UBE3C: variants seen among roughly 807,000 people sequenced by gnomAD.
UBE3C encodes the protein ubiquitin-protein ligase E3C.
A neutral mutation model predicts 129.4 loss-of-function variants in UBE3C; 42 were observed. The observed-to-expected ratio is 0.32, with a 90% confidence interval of 0.25 to 0.42. The LOEUF (loss-of-function observed/expected upper bound fraction) is 0.42. UBE3C is among the 10% of genes least tolerant of loss of function. UBE3C has a pLI of 1.00. For synonymous variants in UBE3C, 510 were observed against 492.4 expected (o/e 1.04, Z -0.47); for missense variants, 1,049 against 1,319.1 (o/e 0.80, Z 3.17).
chr7:157,194,535 T>C (rs995215590), intron 10 of UBE3C, among the ~76,000 whole-genome samples: 1 of 152,122 alleles, frequency 6.6e-6, no homozygotes, highest in Non-Finnish European at 1.5e-5. Context: ...AGGCAGTAGG[T>C]CGAGGCTGGA....
intron 3 of UBE3C, among the ~76,000 whole-genome samples, chr7:157,169,506 G>T (rs894775960): frequency 2.0e-5 from 3 of 151,922 alleles, no homozygotes; most frequent in Non-Finnish European, 4.4e-5. Context: ...CTCCCGAGTA[G>T]CTGGGATTAC....
rs186103427 is a variant in UBE3C at position 157,186,896 on chromosome 7, G to A, written c.1206G>A (p.Lys402=). ...TEECLKKLDT[K]QQTNTLLNLV... ...AATGCCTGAAGAAGCTGGACACAAA[G>A]CAGCAGACCAACACCCTGCTCAACC... is the stretch of plus-strand genomic sequence containing the variant. The change falls in exon 10 of 23, where the codon AAG becomes AAA. Residue 402 remains lysine (K), a synonymous_variant. Coordinates refer to ENST00000348165, the MANE Select transcript of UBE3C (RefSeq NM_014671.3). The A allele has an allele frequency of 3.7e-5, 59 of 1,614,178 alleles. No homozygotes were observed. Among genetic ancestry groups the A allele is most frequent in the Admixed American group, 2.0e-4 (12 of 60,030 alleles).
At chr7:157,211,239 A>AT (rs1809587690) in intron 13 of UBE3C, among the ~76,000 whole-genome samples, 1 of 150,128 alleles carries the variant, frequency 6.7e-6, no homozygotes, top group African/African-American at 2.5e-5. Context: ...GTTAAGTTGT[A>AT]TTTTTTCAGT....
At chr7:157,238,713 T>A (rs1182397) in intron 18 of UBE3C, among the ~76,000 whole-genome samples, 1 of 151,924 alleles carries the variant, frequency 6.6e-6, no homozygotes, top group African/African-American at 2.4e-5. Flanking sequence ...TTAAGGTCAT[T>A]AGCCTGAATT....
At chr7:157,187,769 G>T (rs1470875828) in intron 10 of UBE3C, among the ~76,000 whole-genome samples, 1 of 151,836 alleles carries the variant, frequency 6.6e-6, no homozygotes, top group Non-Finnish European at 1.5e-5. Flanking sequence ...GTAAAGACGG[G>T]GTTTCACCAT....
intron 13 of UBE3C, among the ~76,000 whole-genome samples, chr7:157,216,113 G>A (rs910534377): frequency 2.6e-5 from 4 of 152,316 alleles, no homozygotes; most frequent in Non-Finnish European, 2.9e-5. Flanking sequence ...GATTTTTCTG[G>A]AGTTAAGATC....
Position 157,187,637 on chromosome 7 carries a change from G to A in UBE3C, c.1331+616G>A, listed in dbSNP as rs1035517995. On this transcript the variant is annotated intron_variant, in intron 10 of 22. Coordinates refer to ENST00000348165, the MANE Select transcript of UBE3C (RefSeq NM_014671.3). The stretch of plus-strand genomic sequence containing the variant: ...GTTGCCCAGGCTGGAGTGCAGTGGC[G>A]CGATCTCGGCTCACTGTAGGCTCTG... 1.1e-4 allele frequency among the ~76,000 whole-genome samples: 17 copies of A among 151,460 alleles called. 1 individual carries two copies. The highest frequency in any genetic ancestry group is 1.1e-3 in the Admixed American group (16 of 15,202).
chr7:157,213,515 T>C (rs1410005782), intron 13 of UBE3C, among the ~76,000 whole-genome samples: 1 of 152,260 alleles, frequency 6.6e-6, no homozygotes, highest in African/African-American at 2.4e-5. Context: ...AGTCACTTTA[T>C]GTGATTTGGC....
intron 1 of UBE3C, among the ~76,000 whole-genome samples, chr7:157,139,722 G>T (rs867593510): frequency 6.6e-6 from 1 of 152,264 alleles, no homozygotes; most frequent in Non-Finnish European, 1.5e-5. Flanking sequence ...TGCCACCCAA[G>T]GTGAACTTAC....
chr7:157,172,020 T>C (rs1808391815), intron 4 of UBE3C, among the ~76,000 whole-genome samples: 1 of 134,160 alleles, frequency 7.5e-6, no homozygotes, highest in Admixed American at 7.6e-5. Context: ...TTAAATATGC[T>C]ATTTATCTTT....
At chr7:157,245,161 G>C (rs1312231952) in intron 18 of UBE3C, among the ~76,000 whole-genome samples, 1 of 152,180 alleles carries the variant, frequency 6.6e-6, no homozygotes, top group African/African-American at 2.4e-5. Context: ...CCTGCCTCAT[G>C]TAAAAAATGG....
chr7:157,240,427 A>G (rs1269705253), intron 18 of UBE3C, among the ~76,000 whole-genome samples: 2 of 152,190 alleles, frequency 1.3e-5, no homozygotes, highest in Admixed American at 6.5e-5. Context: ...TTACTGGACA[A>G]TGGAAATACA....
intron 21 of UBE3C, among the ~76,000 whole-genome samples, chr7:157,254,698 C>G (rs1346781499): frequency 6.6e-6 from 1 of 152,036 alleles, no homozygotes; most frequent in Non-Finnish European, 1.5e-5. Flanking sequence ...CATGCCTGGC[C>G]TCAAAGTAAT....
At chr7:157,213,475 C>T (rs1368502927) in intron 13 of UBE3C, among the ~76,000 whole-genome samples, 1 of 152,230 alleles carries the variant, frequency 6.6e-6, no homozygotes, top group Non-Finnish European at 1.5e-5. Flanking sequence ...ACAGGCCTAA[C>T]CCTGCAGATA....
intron 1 of UBE3C, among the ~76,000 whole-genome samples, chr7:157,156,823 A>G (rs975272616): frequency 1.3e-5 from 2 of 152,034 alleles, no homozygotes; most frequent in African/African-American, 2.4e-5. Context: ...AGATAGATCT[A>G]CCACATTCCT....
chr7:157,219,982 A>G (rs1310402789), intron 14 of UBE3C, among the ~76,000 whole-genome samples: 1 of 152,166 alleles, frequency 6.6e-6, no homozygotes, highest in Non-Finnish European at 1.5e-5. Flanking sequence ...ATGCTGAGGC[A>G]GGTGGCTTGC....
chr7:157,263,780 A>G (rs1477721676), intron 22 of UBE3C, among the ~76,000 whole-genome samples: 1 of 149,288 alleles, frequency 6.7e-6, no homozygotes, highest in Non-Finnish European at 1.5e-5. Flanking sequence ...ACCTTTCAGT[A>G]AAAGTAATGT....
rs780966404 is a variant in UBE3C, at chr7:157,240,627, T to C, written c.2482-7741T>C. The stretch of plus-strand genomic sequence containing the variant: ...TAATAAAGGGTGAATTGGTTGCAAG[T>C]TCAGAGTGGTTACAAGAGCCTGCCT... On this transcript the variant is annotated intron_variant, in intron 18 of 22. Coordinates refer to ENST00000348165, the MANE Select transcript of UBE3C (RefSeq NM_014671.3). Among the ~76,000 whole-genome samples, 95 of 152,088 alleles carry C rather than the reference T, an allele frequency of 6.2e-4. 1 individual carries two copies. The highest frequency in any genetic ancestry group is 1.2e-3 in the Non-Finnish European group (83 of 68,010).
At chr7:157,214,787 G>A (rs1285865358) in intron 13 of UBE3C, among the ~76,000 whole-genome samples, 1 of 152,192 alleles carries the variant, frequency 6.6e-6, no homozygotes, top group Non-Finnish European at 1.5e-5. Context: ...CTTTTGAAGA[G>A]TAAAATGAAT....
Sources: gnomAD v4.1 joint callset for allele counts (sites outside exome capture counted in the v4.1 genomes callset) on GRCh38, gnomAD v4.1.1 for gene constraint, MANE v1.5 for transcripts, NCBI Gene and HGNC (gene_info 2026-07-23, HGNC 2026-07-21) for gene names.